PCDH9: variants seen among roughly 807,000 people sequenced by gnomAD.
PCDH9 encodes protocadherin 9.
PCDH9 carries 24 observed loss-of-function variants against 70.6 expected under a neutral mutation model. The ratio of observed to expected loss-of-function variants is 0.34; its 90% CI spans 0.25 to 0.48. PCDH9 has a LOEUF of 0.48. Ranked by LOEUF, PCDH9 falls within the 20% of genes least tolerant of loss-of-function variation. PCDH9 has a pLI of 0.99. For missense variants in PCDH9, 1,281 were observed against 1,503.6 expected (o/e 0.85, Z 2.45); for synonymous variants, 562 against 558.5 (o/e 1.01, Z -0.09).
chr13:66,553,234 T>G (rs1327354280), intron 4 of PCDH9, among the ~76,000 whole-genome samples: 1 of 152,208 alleles, frequency 6.6e-6, no homozygotes, highest in Non-Finnish European at 1.5e-5. Flanking sequence ...AGAACCAGTA[T>G]GACAGCAAAC....
In PCDH9 at chr13:67,153,343, T is replaced by C. The variant is rs538446515; in HGVS notation, c.3036+72062A>G. 2.2e-3 allele frequency among the ~76,000 whole-genome samples: 338 copies of C among 151,896 alleles called. 6 individuals are homozygous for C. The highest frequency in any genetic ancestry group is 7.9e-3 in the African/African-American group (327 of 41,464). ...CCACTGCACTTGGCTGATTTGTTAT[T>C]TTTTTTTGCAGATATGGTGGTCTCC... On this transcript the variant is annotated intron_variant, in intron 2 of 4. Transcript: ENST00000377865.
chr13:66,596,244 A>G (rs1424532863), intron 4 of PCDH9, among the ~76,000 whole-genome samples: 6 of 151,650 alleles, frequency 4.0e-5, no homozygotes, highest in Non-Finnish European at 8.9e-5. Flanking sequence ...CAGACAGAGA[A>G]AAATTGTTAT....
intron 4 of PCDH9, among the ~76,000 whole-genome samples, chr13:66,375,793 A>G (rs117679724): frequency 0.016 from 2,428 of 152,188 alleles, 36 homozygotes; most frequent in South Asian, 0.03. Context: ...AAGAGGATAT[A>G]TTCCCCCTCA....
chr13:66,712,160 A>G (rs1236553443), intron 3 of PCDH9, among the ~76,000 whole-genome samples: 1 of 152,214 alleles, frequency 6.6e-6, no homozygotes, highest in Non-Finnish European at 1.5e-5. Flanking sequence ...AAATTTTAAC[A>G]TGTCACAATA....
In PCDH9 at chr13:66,553,460, T is replaced by C. The variant is rs544057360; in HGVS notation, c.3340+77750A>G. Among the ~76,000 whole-genome samples, 4 of 152,318 alleles carry C rather than the reference T, an allele frequency of 2.6e-5. 1 individual carries two copies. The South Asian group carries it at 6.2e-4, about 24-fold the overall frequency. ...ATACCATATGTACTAAATTGTAGTA[T>C]GTCGAGTTGTTTTGAAAAGTGGCTT... On this transcript the variant is annotated intron_variant, in intron 4 of 4. Transcript: ENST00000377865.
chr13:66,739,891 G>A (rs1239943542), intron 3 of PCDH9, among the ~76,000 whole-genome samples: 14 of 140,806 alleles, frequency 9.9e-5, no homozygotes, highest in East Asian at 4.5e-4. Flanking sequence ...CATTAATAAT[G>A]GGAGACTTTA....
chr13:66,774,598 G>A (rs780435033), intron 3 of PCDH9, among the ~76,000 whole-genome samples: 1 of 152,178 alleles, frequency 6.6e-6, no homozygotes, highest in Non-Finnish European at 1.5e-5. Context: ...AGAAACCCAT[G>A]TATTTATTGT....
intron 4 of PCDH9, among the ~76,000 whole-genome samples, chr13:66,503,849 G>A (rs1343281341): frequency 6.6e-6 from 1 of 151,894 alleles, no homozygotes; most frequent in Non-Finnish European, 1.5e-5. Context: ...CATTATTTGG[G>A]CCCCTGTTTC....
chr13:66,587,835 C>T lies in PCDH9; in HGVS notation c.3340+43375G>A, dbSNP rs112097491. Among the ~76,000 whole-genome samples, 1,174 of 150,484 alleles carry T rather than the reference C, an allele frequency of 7.8e-3. 13 individuals are homozygous for T. The highest frequency in any genetic ancestry group is 0.027 in the African/African-American group (1,115 of 41,108). ...AAGTTTTGGAGATTATAAAATCATTCATGAAACAAACTTTCAAACCAAATA... is the reference window on the plus strand; with the variant it reads ...AAGTTTTGGAGATTATAAAATCATTTATGAAACAAACTTTCAAACCAAATA... On this transcript the variant is annotated intron_variant, in intron 4 of 4. Coordinates refer to ENST00000377865, the MANE Select transcript of PCDH9 (RefSeq NM_203487.3).
chr13:66,614,670 G>T (rs1332720766), intron 4 of PCDH9, among the ~76,000 whole-genome samples: 1 of 152,170 alleles, frequency 6.6e-6, no homozygotes, highest in Non-Finnish European at 1.5e-5. Flanking sequence ...AGGATTATTT[G>T]ACATGCTTAT....
chr13:66,823,709 G>A (rs1216232636), intron 3 of PCDH9, among the ~76,000 whole-genome samples: 1 of 151,972 alleles, frequency 6.6e-6, no homozygotes, highest in Non-Finnish European at 1.5e-5. Flanking sequence ...TGTATATTTG[G>A]TTCATCTCAG....
intron 4 of PCDH9, among the ~76,000 whole-genome samples, chr13:66,372,676 T>A (rs1167928040): frequency 1.3e-5 from 2 of 151,716 alleles, no homozygotes; most frequent in African/African-American, 2.4e-5. Flanking sequence ...GAATGTCCAT[T>A]GGCAAGACAA....
chr13:66,806,005 A>G (rs1315895571), intron 3 of PCDH9, among the ~76,000 whole-genome samples: 3 of 151,484 alleles, frequency 2.0e-5, no homozygotes, highest in South Asian at 4.1e-4. Flanking sequence ...AGCTGCAAAC[A>G]GCATGACTTT....
chr13:66,616,030 G>C (rs2077351445), intron 4 of PCDH9, among the ~76,000 whole-genome samples: 1 of 152,210 alleles, frequency 6.6e-6, no homozygotes, highest in Non-Finnish European at 1.5e-5. Flanking sequence ...AAAGATTTGA[G>C]CTTGACTTAC....
chr13:66,661,444 CTGAG>C (rs1454575080), intron 3 of PCDH9, among the ~76,000 whole-genome samples: 1 of 152,120 alleles, frequency 6.6e-6, no homozygotes, highest in African/African-American at 2.4e-5. Context: ...ATATTGTTTG[CTGAG>C]TAATAGTTTG....
rs2080157354 is a variant in PCDH9 at position 66,791,160 on chromosome 13, A to G, written c.3138+112344T>C. Among the ~76,000 whole-genome samples the G allele has an allele frequency of 2.0e-5, 3 of 152,276 alleles. No homozygotes were observed. In the South Asian group the frequency reaches 6.2e-4, roughly 32 times the overall value. ...TAGCTCTGTTCATCTGTAATAATGC[A>G]AGAGTGATCCTTTGCACATAAACAC... On this transcript the variant is annotated intron_variant, in intron 3 of 4. Transcript: ENST00000377865.
chr13:66,509,134 G>A (rs1339050553), intron 4 of PCDH9, among the ~76,000 whole-genome samples: 1 of 152,132 alleles, frequency 6.6e-6, no homozygotes. Context: ...CTTCCCCTCA[G>A]CCCAACTACA....
chr13:66,303,437 C>T lies in PCDH9; in HGVS notation c.*1218G>A, dbSNP rs1453482283. 1 of 152,464 alleles carries T rather than the reference C, an allele frequency of 6.6e-6. No homozygotes were observed. The highest frequency in any genetic ancestry group is 1.5e-5 in the Non-Finnish European group (1 of 67,980). 9.4% of individuals were successfully genotyped at this position (152,464 alleles called of 1,614,324 possible). A position where few individuals can be genotyped will look rare whatever the true frequency, so the allele number is the denominator to read the frequency against. ...CCCTTTATTTCCCCCAACTACCCTA[C>T]CTGGAGAATGTTCTGTTACATCATG... On this transcript the variant is annotated 3_prime_UTR_variant, in exon 5 of 5. Coordinates refer to ENST00000377865, the MANE Select transcript of PCDH9 (RefSeq NM_203487.3).
At chr13:66,722,551 T>C (rs2078954939) in intron 3 of PCDH9, among the ~76,000 whole-genome samples, 1 of 152,164 alleles carries the variant, frequency 6.6e-6, no homozygotes, top group Non-Finnish European at 1.5e-5. Context: ...GTAGAGTTAC[T>C]TCCCCTGAAA....
Sources: gnomAD v4.1 joint callset for allele counts (sites outside exome capture counted in the v4.1 genomes callset) on GRCh38, gnomAD v4.1.1 for gene constraint, MANE v1.5 for transcripts, NCBI Gene and HGNC (gene_info 2026-07-23, HGNC 2026-07-21) for gene names.